CDH19: variants seen among roughly 807,000 people sequenced by gnomAD.
CDH19 encodes the protein cadherin 19.
In CDH19, 67 loss-of-function variants were observed where a neutral mutation model predicts 64.2. That is an observed-to-expected ratio of 1.04 (90% confidence interval 0.86 to 1.28). CDH19 has a LOEUF of 1.28. Among genes scored for constraint, CDH19 ranks in the 50% most tolerant of loss-of-function variants. CDH19 has a pLI of 0.00. For missense variants in CDH19, 1,030 were observed against 929.0 expected (o/e 1.11, Z -1.41); for synonymous variants, 346 against 319.3 (o/e 1.08, Z -0.89).
At chr18:66,506,643 T>C (rs966238822) in intron 11 of CDH19, among the ~76,000 whole-genome samples, 1 of 151,842 alleles carries the variant, frequency 6.6e-6, no homozygotes, top group African/African-American at 2.4e-5. Flanking sequence ...AGAACACTTT[T>C]GCTTTAATTT....
chr18:66,571,864 A>G (rs762379801), intron 2 of CDH19, 146 bp downstream of exon 2: 3 of 556,486 alleles, frequency 5.4e-6, no homozygotes, highest in Non-Finnish European at 9.2e-6. Flanking sequence ...GTGCTTGCAA[A>G]TCTGAAACAA....
rs1278725732 is a variant in CDH19 at position 66,501,834 on chromosome 18, T to A, written c.*2978A>T. The A allele has an allele frequency of 6.6e-6, 1 of 152,108 alleles. No homozygotes were observed. The highest frequency in any genetic ancestry group is 1.5e-5 in the Non-Finnish European group (1 of 68,018). 9.4% of individuals were successfully genotyped at this position (152,108 alleles called of 1,614,324 possible). A position where few individuals can be genotyped will look rare whatever the true frequency, so the allele number is the denominator to read the frequency against. Reference sequence around the variant, plus strand: ...TAAGCAGTTTAACAAATATTATATGTTCGCTTAATTGAAAGTAACTAATTC... The same window carrying A: ...TAAGCAGTTTAACAAATATTATATGATCGCTTAATTGAAAGTAACTAATTC... On this transcript the variant is annotated 3_prime_UTR_variant, in exon 12 of 12. Transcript: ENST00000262150.
rs761851399 is a variant in CDH19, at chr18:66,553,944, C to T, written c.610+461G>A. On this transcript the variant is annotated intron_variant, in intron 4 of 11. Coordinates refer to ENST00000262150, the MANE Select transcript of CDH19 (RefSeq NM_021153.4). Reference sequence around the variant, plus strand: ...GGTGAATGTCTCATATCAATGTGTACGCTTAGCCTTATACTCAGACTTAAT... The same window carrying T: ...GGTGAATGTCTCATATCAATGTGTATGCTTAGCCTTATACTCAGACTTAAT... Among the ~76,000 whole-genome samples, 6 of 89,932 alleles carry T rather than the reference C, an allele frequency of 6.7e-5. 1 individual carries two copies. The highest frequency in any genetic ancestry group is 2.1e-4 in the Admixed American group (2 of 9,552). The allele number at this position is 89,932 out of a possible 152,430, so 59.0% of individuals were successfully genotyped here.
chr18:66,536,851 A>T (rs79422452), intron 7 of CDH19, among the ~76,000 whole-genome samples: 3,116 of 151,690 alleles, frequency 0.021, 97 homozygotes, highest in African/African-American at 0.071. Context: ...ACATATATAT[A>T]TTTTTCCCAT....
At position 66,548,230 on chromosome 18, in the gene CDH19, CT is replaced by C. The variant is rs1457214645; in HGVS notation, c.775+2863del. On this transcript the variant is annotated intron_variant, in intron 5 of 11. Transcript: ENST00000262150. ...CTGAGCTCCTGATTCCAGCTGCCCC[CT>C]CCTCTGAACCCCTTTATATATATAT... Among the ~76,000 whole-genome samples, 61 of 142,136 alleles carry C rather than the reference CT, an allele frequency of 4.3e-4. 1 individual carries two copies. The highest frequency in any genetic ancestry group is 1.5e-3 in the African/African-American group (59 of 38,236). The allele number at this position is 142,136 out of a possible 152,430, so 93.2% of individuals were successfully genotyped here.
chr18:66,509,939 C>G (rs930941468), intron 10 of CDH19, among the ~76,000 whole-genome samples: 2 of 151,792 alleles, frequency 1.3e-5, no homozygotes, highest in Non-Finnish European at 2.9e-5. Context: ...TAGACTGATT[C>G]ATTTACCTAG....
At position 66,544,190 on chromosome 18, in the gene CDH19, A is replaced by C; in HGVS notation, c.995T>G (p.Ile332Ser). 1 of 1,613,852 alleles carries C rather than the reference A, an allele frequency of 6.2e-7. No individual in the cohort carries two copies. The change falls in exon 7 of 12, where the codon ATT becomes AGT. Residue 332 changes from isoleucine to serine, a missense_variant. Ile to Ser is a moderately radical substitution (Grantham distance 142). Coordinates refer to ENST00000262150, the MANE Select transcript of CDH19 (RefSeq NM_021153.4). ...ATGATGGTTTTTAACTTTTGCTCTA[A>C]TACCGTAGTGGTTCTGGTGCTCAAA... ...VDFEHQNHYG[I>S]RAKVKNHHVP...
chr18:66,554,649 T>C (rs1386786933), intron 3 of CDH19, 125 bp from the exon 4 acceptor site: 1 of 623,764 alleles, frequency 1.6e-6, no homozygotes, highest in Non-Finnish European at 2.6e-6. Context: ...TTCACCTCCT[T>C]GTTCTTAATT....
chr18:66,584,856 A>G (rs1988530321), intron 1 of CDH19, among the ~76,000 whole-genome samples: 1 of 152,132 alleles, frequency 6.6e-6, no homozygotes, highest in South Asian at 2.1e-4. Context: ...AAGATATACT[A>G]CAGAAAAATA....
chr18:66,583,027 T>C (rs1279868334), intron 1 of CDH19, among the ~76,000 whole-genome samples: 1 of 152,106 alleles, frequency 6.6e-6, no homozygotes, highest in Non-Finnish European at 1.5e-5. Context: ...TATCAGACCA[T>C]GATTTGCCCT....
intron 3 of CDH19, 123 bp from the exon 4 acceptor site, chr18:66,554,647 C>G: frequency 4.6e-6 from 3 of 653,608 alleles, no homozygotes; most frequent in Non-Finnish European, 7.3e-6. Context: ...AATTCACCTC[C>G]TTGTTCTTAA....
At chr18:66,549,132 A>C (rs1426370834) in intron 5 of CDH19, among the ~76,000 whole-genome samples, 1 of 152,194 alleles carries the variant, frequency 6.6e-6, no homozygotes, top group Non-Finnish European at 1.5e-5. Context: ...TGAAAGTATT[A>C]AGAGGAATAC....
intron 10 of CDH19, among the ~76,000 whole-genome samples, chr18:66,509,713 G>A (rs1235489722): frequency 2.6e-5 from 4 of 151,472 alleles, no homozygotes; most frequent in Admixed American, 6.6e-5. Flanking sequence ...CATATGACAC[G>A]GTCTATTTTC....
chr18:66,564,732 G>A (rs975407840), intron 3 of CDH19, among the ~76,000 whole-genome samples: 3 of 151,744 alleles, frequency 2.0e-5, no homozygotes, highest in African/African-American at 7.3e-5. Flanking sequence ...TGTTTTCCAC[G>A]TAATGTGACT....
rs1178032248 is a variant in CDH19, at chr18:66,511,690, A to C, written c.1459-5T>G. The C allele has an allele frequency of 7.5e-7, 1 of 1,336,570 alleles. No homozygotes were observed. Among genetic ancestry groups the C allele is most frequent in the Admixed American group, 1.8e-5 (1 of 55,674 alleles). 82.8% of individuals were successfully genotyped at this position (1,336,570 alleles called of 1,614,324 possible). A position where few individuals can be genotyped will look rare whatever the true frequency, so the allele number is the denominator to read the frequency against. On this transcript the variant is annotated splice_region_variant and splice_polypyrimidine_tract_variant and intron_variant, in intron 9 of 11. Transcript: ENST00000262150. ...TGCACTGATAGTCTGAATTACCTAA[A>C]AAAAAAGGGGGATAGATTTTTGTTG...
At chr18:66,584,292 A>T (rs1486136519) in intron 1 of CDH19, among the ~76,000 whole-genome samples, 1 of 152,112 alleles carries the variant, frequency 6.6e-6, no homozygotes, top group Non-Finnish European at 1.5e-5. Flanking sequence ...AAAGTACGAG[A>T]TACCATCTTA....
At chr18:66,582,115 A>G (rs1322698707) in intron 1 of CDH19, among the ~76,000 whole-genome samples, 1 of 152,154 alleles carries the variant, frequency 6.6e-6, no homozygotes, top group Non-Finnish European at 1.5e-5. Flanking sequence ...GTTTACATTG[A>G]ATAAAGATCT....
At chr18:66,541,605 TG>T (rs1986889080) in intron 7 of CDH19, among the ~76,000 whole-genome samples, 1 of 152,082 alleles carries the variant, frequency 6.6e-6, no homozygotes, top group African/African-American at 2.4e-5. Flanking sequence ...CTATATCATA[TG>T]AAAAAAATCA....
chr18:66,532,203 G>C (rs975704078), intron 8 of CDH19: 4 of 151,860 alleles, frequency 2.6e-5, no homozygotes, highest in African/African-American at 9.7e-5. Context: ...CTGACCCCAG[G>C]TTATCCACCC....
Sources: gnomAD v4.1 joint callset for allele counts (sites outside exome capture counted in the v4.1 genomes callset) on GRCh38, gnomAD v4.1.1 for gene constraint, MANE v1.5 for transcripts, NCBI Gene and HGNC (gene_info 2026-07-23, HGNC 2026-07-21) for gene names.